The following AFAP1 variants were observed in gnomAD, a reference collection of about 807,000 sequenced individuals.
The protein encoded by AFAP1 is actin filament-associated protein 1.
AFAP1 carries 75 observed loss-of-function variants against 93.9 expected under a neutral mutation model. The observed-to-expected ratio is 0.80, with a 90% confidence interval of 0.66 to 0.97. AFAP1 has a LOEUF of 0.97. AFAP1 is among the 50% of genes least tolerant of loss of function. The pLI is 0.00. For synonymous variants in AFAP1, 517 were observed against 430.7 expected (o/e 1.20, Z -2.48); for missense variants, 1,201 against 1,050.8 (o/e 1.14, Z -1.98).
intron 17 of AFAP1, among the ~76,000 whole-genome samples, chr4:7,768,629 T>C (rs6820107): frequency 0.059 from 9,026 of 152,170 alleles, 923 homozygotes; most frequent in African/African-American, 0.2. Context: ...GGTCAGCACC[T>C]TCCAGTCACT....
At chr4:7,923,021 C>G (rs1720521441) in intron 1 of AFAP1, among the ~76,000 whole-genome samples, 1 of 152,020 alleles carries the variant, frequency 6.6e-6, no homozygotes, top group African/African-American at 2.4e-5. Context: ...AGCAAAAAAT[C>G]ACTAAGAATT....
chr4:7,920,917 G>C (rs1456725248), intron 1 of AFAP1, among the ~76,000 whole-genome samples: 1 of 151,736 alleles, frequency 6.6e-6, no homozygotes, highest in African/African-American at 2.4e-5. Flanking sequence ...GGACTAAATA[G>C]TACATAATTA....
chr4:7,782,811 C>T (rs1339868276), intron 12 of AFAP1, among the ~76,000 whole-genome samples: 7 of 152,218 alleles, frequency 4.6e-5, no homozygotes, highest in Non-Finnish European at 7.3e-5. Context: ...CTGTATTCCT[C>T]CGCAATCACT....
intron 12 of AFAP1, among the ~76,000 whole-genome samples, chr4:7,784,776 A>C (rs1362080130): frequency 6.6e-6 from 1 of 152,074 alleles, no homozygotes; most frequent in Non-Finnish European, 1.5e-5. Flanking sequence ...CAGTTTGTTT[A>C]TGCTCCTGAG....
At chr4:7,878,999 G>A (rs1717683928) in intron 1 of AFAP1, among the ~76,000 whole-genome samples, 2 of 152,072 alleles carry the variant, frequency 1.3e-5, no homozygotes, top group African/African-American at 4.8e-5. Context: ...ATCCCTCAAG[G>A]TCATTACTCA....
At chr4:7,925,759 C>T (rs1332348725) in intron 1 of AFAP1, among the ~76,000 whole-genome samples, 2 of 151,932 alleles carry the variant, frequency 1.3e-5, no homozygotes, top group Non-Finnish European at 2.9e-5. Context: ...GCAGGAGAAT[C>T]GCTTGAACCT....
chr4:7,850,023 G>A (rs1254008078), intron 4 of AFAP1, among the ~76,000 whole-genome samples: 2 of 152,122 alleles, frequency 1.3e-5, no homozygotes, highest in Non-Finnish European at 2.9e-5. Context: ...GAAGCCCTCA[G>A]ACGAACTTTG....
chr4:7,782,420 A>G (rs1184489544), intron 12 of AFAP1, among the ~76,000 whole-genome samples: 1 of 152,256 alleles, frequency 6.6e-6, no homozygotes, highest in Non-Finnish European at 1.5e-5. Flanking sequence ...AACCAACACA[A>G]GCAAAACCGT....
chr4:7,795,614 T>C (rs1025656801), intron 10 of AFAP1, among the ~76,000 whole-genome samples: 4 of 151,558 alleles, frequency 2.6e-5, no homozygotes, highest in Non-Finnish European at 5.9e-5. Flanking sequence ...TTAGTAGAGA[T>C]GGGGTTTTCA....
chr4:7,764,464 G>A (rs1714270547), intron 17 of AFAP1, among the ~76,000 whole-genome samples: 1 of 152,216 alleles, frequency 6.6e-6, no homozygotes, highest in South Asian at 2.1e-4. Context: ...AGAAAGTTCT[G>A]GAGAAGGATG....
At chr4:7,842,335 A>G (rs1241996406) in intron 5 of AFAP1, among the ~76,000 whole-genome samples, 1 of 149,506 alleles carries the variant, frequency 6.7e-6, no homozygotes, top group Non-Finnish European at 1.5e-5. Flanking sequence ...TAAAAAAAGG[A>G]TTATCTGCTC....
chr4:7,881,449 T>C (rs1010758350), intron 1 of AFAP1, among the ~76,000 whole-genome samples: 16 of 151,858 alleles, frequency 1.1e-4, no homozygotes, highest in African/African-American at 3.9e-4. Context: ...TCCCTGCCAA[T>C]GCCACTCATT....
rs764158768 is a variant in AFAP1 at position 7,872,046 on chromosome 4, A to G, written c.33T>C (p.Phe11=). 2.5e-6 allele frequency: 4 copies of G among 1,614,110 alleles called. No homozygotes were observed. In the Admixed American group the frequency reaches 6.7e-5, roughly 27 times the overall value. ...GATATTCATGGTCCAGGAGTTCAAG[A>G]AAGAGACGAAGTTCAACTATTAACT... MEELIVELRL[F]LELLDHEYLT... The change falls in exon 2 of 18, where the codon TTT becomes TTC. Residue 11 remains phenylalanine, a synonymous_variant. Transcript: ENST00000420658.
chr4:7,902,232 C>T (rs1371869114), intron 1 of AFAP1, among the ~76,000 whole-genome samples: 2 of 152,150 alleles, frequency 1.3e-5, no homozygotes, highest in African/African-American at 4.8e-5. Flanking sequence ...GTCCCAAATC[C>T]CCATGTGATG....
intron 5 of AFAP1, among the ~76,000 whole-genome samples, chr4:7,841,968 G>A (rs1002069548): frequency 4.6e-5 from 7 of 152,136 alleles, no homozygotes; most frequent in African/African-American, 7.2e-5. Flanking sequence ...ACACAACCGC[G>A]AAGCTTCCCT....
intron 2 of AFAP1, 111 bp downstream of exon 2, chr4:7,871,840 GC>G: frequency 7.2e-7 from 1 of 1,395,522 alleles, no homozygotes; most frequent in South Asian, 1.4e-5. Context: ...GAATAAATAA[GC>G]TTGTAAGTTA....
At chr4:7,866,553 T>C (rs1716420184) in intron 3 of AFAP1, among the ~76,000 whole-genome samples, 1 of 152,090 alleles carries the variant, frequency 6.6e-6, no homozygotes, top group African/African-American at 2.4e-5. Flanking sequence ...TTTCCCAATA[T>C]GAAATGTGAT....
At chr4:7,878,702 A>C (rs991687986) in intron 1 of AFAP1, among the ~76,000 whole-genome samples, 3 of 152,246 alleles carry the variant, frequency 2.0e-5, no homozygotes, top group East Asian at 3.8e-4. Context: ...CATCTTAACT[A>C]ATCTTCATAA....
chr4:7,890,145 T>C (rs1324114071), intron 1 of AFAP1, among the ~76,000 whole-genome samples: 1 of 152,310 alleles, frequency 6.6e-6, no homozygotes, highest in East Asian at 1.9e-4. Context: ...CTTCAAGGCT[T>C]ACAATAAAGC....
Sources: allele counts gnomAD v4.1 joint callset (sites outside exome capture counted in the v4.1 genomes callset), GRCh38; gene constraint gnomAD v4.1.1; transcripts MANE v1.5; gene names NCBI Gene and HGNC (gene_info 2026-07-23, HGNC 2026-07-21).